The following NF1 variants were observed in gnomAD, a reference collection of about 807,000 sequenced individuals.
NF1 encodes the protein neurofibromin.
NF1 carries 122 observed loss-of-function variants against 325.7 expected under a neutral mutation model. The ratio of observed to expected loss-of-function variants is 0.37; its 90% CI spans 0.32 to 0.44. NF1 has a LOEUF of 0.44. NF1 is among the 20% of genes least tolerant of loss of function. NF1 has a pLI of 1.00. For synonymous variants in NF1, 1,091 were observed against 1,186.0 expected, an observed-to-expected ratio of 0.92 and a Z score of 1.65; for missense variants, 2,140 against 3,415.4, an observed-to-expected ratio of 0.63 and a Z score of 9.31.
At chr17:31,270,843 C>T (rs897456012) in intron 36 of NF1, among the ~76,000 whole-genome samples, 9 of 152,138 alleles carry the variant, frequency 5.9e-5, no homozygotes, top group Admixed American at 1.3e-4. Flanking sequence ...AATTGACGTA[C>T]GTATAAACTG....
chr17:31,165,123 A>T (rs992874931), intron 4 of NF1, among the ~76,000 whole-genome samples: 4 of 152,240 alleles, frequency 2.6e-5, no homozygotes, highest in Non-Finnish European at 5.9e-5. Flanking sequence ...ACTGCCTTAT[A>T]GAACACAACA....
chr17:31,199,537 G>T (rs1201357077), intron 8 of NF1, among the ~76,000 whole-genome samples: 1 of 152,134 alleles, frequency 6.6e-6, no homozygotes, highest in Non-Finnish European at 1.5e-5. Context: ...AGAATATATT[G>T]TGCTGGTGTT....
chr17:31,113,566 G>A (rs1913617596), intron 1 of NF1, among the ~76,000 whole-genome samples: 1 of 152,056 alleles, frequency 6.6e-6, no homozygotes, highest in South Asian at 2.1e-4. Context: ...GTCTTGCTCT[G>A]TTGCACAGGC....
chr17:31,232,643 TA>T (rs1354848312), intron 25 of NF1, 56 bp from the exon 26 acceptor site: 21 of 1,520,536 alleles, frequency 1.4e-5, no homozygotes, highest in Non-Finnish European at 1.9e-5. Context: ...AATGTCTGGT[TA>T]GCTTTCTAGT....
intron 29 of NF1, among the ~76,000 whole-genome samples, chr17:31,246,663 A>T (rs1261096423): frequency 6.6e-6 from 1 of 152,184 alleles, no homozygotes; most frequent in Admixed American, 6.5e-5. Flanking sequence ...AGATTAGGCT[A>T]GTTAGAGAGT....
Position 31,304,456 on chromosome 17 carries a change from C to T in NF1, c.4836-21364C>T, listed in dbSNP as rs543896967. On this transcript the variant is annotated intron_variant, in intron 36 of 57. Coordinates refer to ENST00000358273, the MANE Select transcript of NF1 (RefSeq NM_001042492.3). ...TTGTATTATCTCAGATTTATGATCT[C>T]CACAGTCTTGATTGAGACAGTCCAG... The T allele has an allele frequency of 5.6e-6, 9 of 1,614,068 alleles. No homozygotes were observed. In the African/African-American group the frequency reaches 6.7e-5, roughly 12 times the overall value.
rs747064335 is a variant in NF1, at chr17:31,223,407, G to T, written c.1722-37G>T. 3 of 1,606,782 alleles carry T rather than the reference G, an allele frequency of 1.9e-6. No homozygotes were observed. The East Asian group carries it at 6.7e-5, about 36-fold the overall frequency. ...CTGGTTATATCTGCATTAGGTTATT[G>T]ATGATGCTAGTAACAATGAACTTTA... On this transcript the variant is annotated intron_variant, in intron 15 of 57. Coordinates refer to ENST00000358273, the MANE Select transcript of NF1 (RefSeq NM_001042492.3).
chr17:31,360,679 C>CT lies in NF1; in HGVS notation c.8355dup (p.Ala2786CysfsTer15). The CT allele has an allele frequency of 6.2e-7, 1 of 1,613,988 alleles. No individual in the cohort carries two copies. The highest frequency in any genetic ancestry group is 2.2e-5 in the East Asian group (1 of 44,880). On this transcript the variant is annotated frameshift_variant, in exon 57 of 58. Coordinates refer to ENST00000358273, the MANE Select transcript of NF1 (RefSeq NM_001042492.3). LOFTEE classifies it high-confidence loss of function. ...TAACCTTTCTAATTCCATGACCTCA[C>CT]TTGCAACTTCCCAGCATTCCCCAGG...
In NF1 at chr17:31,206,425, A is replaced by G. The variant is rs1277630666; in HGVS notation, c.1392+54A>G. On this transcript the variant is annotated intron_variant, in intron 12 of 57. Coordinates refer to ENST00000358273, the MANE Select transcript of NF1 (RefSeq NM_001042492.3). ...ACCTCCTTTCTATTGCATTTTTTTTAGTGTCTTTATCCTATTCCTGCTGCT... is the reference window on the plus strand; with the variant it reads ...ACCTCCTTTCTATTGCATTTTTTTTGGTGTCTTTATCCTATTCCTGCTGCT... The G allele has an allele frequency of 1.0e-5, 16 of 1,603,710 alleles. No homozygotes were observed. In the East Asian group the frequency reaches 3.1e-4, roughly 31 times the overall value.
chr17:31,311,610 A>T (rs1265991345), intron 36 of NF1, among the ~76,000 whole-genome samples: 4 of 152,218 alleles, frequency 2.6e-5, no homozygotes, highest in African/African-American at 9.6e-5. Context: ...TTGTATCATG[A>T]TAGTGACCAT....
chr17:31,193,631 A>T (rs1222995720), intron 8 of NF1, among the ~76,000 whole-genome samples: 4 of 152,208 alleles, frequency 2.6e-5, no homozygotes, highest in Admixed American at 1.3e-4. Flanking sequence ...GAGGATTAAT[A>T]TCCAGAATAT....
At chr17:31,141,328 A>G (rs554553677) in intron 1 of NF1, among the ~76,000 whole-genome samples, 1 of 149,798 alleles carries the variant, frequency 6.7e-6, no homozygotes, top group Non-Finnish European at 1.5e-5. Flanking sequence ...TTTTTTAGGT[A>G]TCTGAAATAC....
intron 27 of NF1, among the ~76,000 whole-genome samples, chr17:31,235,280 G>T (rs930437324): frequency 2.0e-5 from 3 of 152,104 alleles, no homozygotes. Context: ...TAAATTCTTT[G>T]CTGTCATCTT....
chr17:31,280,823 T>G (rs2068104526), intron 36 of NF1, among the ~76,000 whole-genome samples: 1 of 151,160 alleles, frequency 6.6e-6, no homozygotes. Context: ...TATTCATGTA[T>G]TACTTCGGGG....
intron 20 of NF1, 139 bp downstream of exon 20, chr17:31,227,745 G>C (rs767693755): frequency 1.1e-5 from 8 of 761,858 alleles, no homozygotes; most frequent in Non-Finnish European, 1.8e-5. Context: ...GGTTTATCTA[G>C]ACCTGTACTT....
intron 36 of NF1, among the ~76,000 whole-genome samples, chr17:31,325,032 C>T (rs1476357079): frequency 2.0e-5 from 3 of 152,146 alleles, no homozygotes; most frequent in African/African-American, 7.2e-5. Context: ...TTTTCATGGT[C>T]CTCACTGTGG....
chr17:31,206,392 T>C, intron 12 of NF1, 21 bp downstream of exon 12: 1 of 1,613,310 alleles, frequency 6.2e-7, no homozygotes, highest in Non-Finnish European at 8.5e-7. Flanking sequence ...TCACGAATTT[T>C]GAATCTCACC....
Position 31,344,012 on chromosome 17 carries a change from T to C in NF1, c.7189+877T>C, listed in dbSNP as rs17881781. Among the ~76,000 whole-genome samples, 7 of 151,878 alleles carry C rather than the reference T, an allele frequency of 4.6e-5. No individual in the cohort carries two copies. In the East Asian group the frequency reaches 1.4e-3, roughly 29 times the overall value. ...ACAAAAACCTACATACTGAGTCTGA[T>C]AATAGCTATATTAATAGTAACAATA... is the stretch of plus-strand genomic sequence containing the variant. On this transcript the variant is annotated intron_variant, in intron 48 of 57. Coordinates refer to ENST00000358273, the MANE Select transcript of NF1 (RefSeq NM_001042492.3).
At chr17:31,190,878 A>G (rs1240636434) in intron 8 of NF1, among the ~76,000 whole-genome samples, 1 of 152,188 alleles carries the variant, frequency 6.6e-6, no homozygotes, top group Non-Finnish European at 1.5e-5. Context: ...TTGCCACACT[A>G]ATAAGGTGAG....
Sources: gnomAD v4.1 joint callset for allele counts (sites outside exome capture counted in the v4.1 genomes callset) on GRCh38, gnomAD v4.1.1 for gene constraint, MANE v1.5 for transcripts, NCBI Gene and HGNC (gene_info 2026-07-23, HGNC 2026-07-21) for gene names.